Variants in PPEF1 observed in about 807,000 individuals in gnomAD.
PPEF1 encodes protein phosphatase with EF-hand domain 1.
In PPEF1, 12 loss-of-function variants were observed where a neutral mutation model predicts 53.3. The observed-to-expected ratio is 0.23, with a 90% CI of 0.14 to 0.36. The LOEUF (loss-of-function observed/expected upper bound fraction) is 0.36. PPEF1 is among the 10% of genes least tolerant of loss of function. PPEF1 has a pLI of 1.00. For synonymous variants in PPEF1, 165 were observed against 176.7 expected (o/e 0.93, Z 0.52); for missense variants, 334 against 490.4 (o/e 0.68, Z 3.01).
At chrX:18,797,716 T>G (rs1053401571) in intron 10 of PPEF1, among the ~76,000 whole-genome samples, 1 of 111,360 alleles carries the variant, frequency 9.0e-6, no homozygotes, top group Non-Finnish European at 1.9e-5. Flanking sequence ...ATTATTATTA[T>G]TTTTAGACGG....
At chrX:18,757,861 T>A (rs2045581141) in intron 5 of PPEF1, 120 bp downstream of exon 5, 1 of 473,563 alleles carries the variant, frequency 2.1e-6, no homozygotes, top group African/African-American at 2.4e-5. Flanking sequence ...TAATATAGAA[T>A]TATCTATCAT....
upstream of PPEF1, among the ~76,000 whole-genome samples, chrX:18,680,241 C>G (rs978010307): frequency 2.7e-5 from 3 of 110,193 alleles, no homozygotes; most frequent in Middle Eastern, 4.6e-3. Flanking sequence ...CTCTCAGCCT[C>G]GAATAGTTTT....
At chrX:18,747,371 G>A (rs1376512152) in intron 3 of PPEF1, among the ~76,000 whole-genome samples, 1 of 112,209 alleles carries the variant, frequency 8.9e-6, no homozygotes, top group Non-Finnish European at 1.9e-5. Flanking sequence ...AGCTCCATGG[G>A]TGGTTCCATA....
intron 6 of PPEF1, among the ~76,000 whole-genome samples, chrX:18,768,518 G>T (rs536607116): frequency 1.8e-5 from 2 of 112,134 alleles, no homozygotes; most frequent in African/African-American, 6.5e-5. Flanking sequence ...TCATCCAAGT[G>T]GTTGGTTTGG....
intron 5 of PPEF1, among the ~76,000 whole-genome samples, chrX:18,699,807 C>A (rs903649698): frequency 6.2e-5 from 7 of 112,012 alleles, no homozygotes; most frequent in Non-Finnish European, 1.3e-4. Flanking sequence ...TTTCTAGAAC[C>A]AAGGAAAAAT....
intron 10 of PPEF1, among the ~76,000 whole-genome samples, chrX:18,801,887 G>C (rs1013545064): frequency 9.3e-6 from 1 of 107,327 alleles, no homozygotes; most frequent in African/African-American, 3.4e-5. Context: ...AGGAGGCTGA[G>C]GCAGGAGAAC....
At chrX:18,731,914 G>A (rs1000444843) in intron 2 of PPEF1, among the ~76,000 whole-genome samples, 1 of 111,965 alleles carries the variant, frequency 8.9e-6, no homozygotes, top group African/African-American at 3.3e-5. Flanking sequence ...TTGAGACAGA[G>A]TCTCGCTCTG....
upstream of PPEF1, among the ~76,000 whole-genome samples, chrX:18,680,923 A>C (rs748844398): frequency 3.6e-5 from 4 of 110,486 alleles, no homozygotes; most frequent in African/African-American, 1.3e-4. Flanking sequence ...AGTTTCATCC[A>C]TGTCCCTACA....
chrX:18,695,267 A>G (rs1280671418), intron 4 of PPEF1, among the ~76,000 whole-genome samples: 2 of 112,893 alleles, frequency 1.8e-5, no homozygotes, highest in African/African-American at 6.4e-5. Context: ...CTTCTCCCAC[A>G]TGGCAGCTTA....
intron 4 of PPEF1, among the ~76,000 whole-genome samples, chrX:18,696,510 G>A (rs1929734348): frequency 9.0e-6 from 1 of 111,030 alleles, no homozygotes; most frequent in South Asian, 3.8e-4. Flanking sequence ...AATGGACCAA[G>A]CATATTTATT....
chrX:18,814,809 A>T (rs888215325), intron 12 of PPEF1, among the ~76,000 whole-genome samples: 8 of 111,673 alleles, frequency 7.2e-5, no homozygotes, highest in Non-Finnish European at 1.1e-4. Context: ...TACTCTGTTG[A>T]TATTTTCTTT....
intron 1 of PPEF1, among the ~76,000 whole-genome samples, chrX:18,714,015 A>G (rs1353986704): frequency 3.6e-5 from 4 of 111,305 alleles, no homozygotes; most frequent in Non-Finnish European, 7.5e-5. Context: ...CCTTTTCCTT[A>G]TTTTGGATTA....
In PPEF1 at chrX:18,761,590, T is replaced by G; in HGVS notation, c.558+14T>G. ...ATCTTCTACAAGGTAAATGATGATTTTGCTAAATATTAACATTTTTCTTGG... is the reference window on the plus strand; with the variant it reads ...ATCTTCTACAAGGTAAATGATGATTGTGCTAAATATTAACATTTTTCTTGG... On this transcript the variant is annotated intron_variant, in intron 6 of 15. Coordinates refer to ENST00000470157, the MANE Select transcript of PPEF1 (RefSeq NM_001377996.1). 8.4e-7 allele frequency: 1 copy of G among 1,185,499 alleles called. No individual in the cohort carries two copies. Among genetic ancestry groups the G allele is most frequent in the Non-Finnish European group, 1.1e-6 (1 of 871,818 alleles).
At chrX:18,722,410 C>T (rs2044608537) in intron 1 of PPEF1, among the ~76,000 whole-genome samples, 1 of 112,220 alleles carries the variant, frequency 8.9e-6, no homozygotes, top group African/African-American at 3.2e-5. Flanking sequence ...AATCCTGCTG[C>T]TTCCTCAGGA....
intron 1 of PPEF1, among the ~76,000 whole-genome samples, chrX:18,684,002 C>T (rs182543457): frequency 6.6e-4 from 74 of 112,034 alleles, no homozygotes; most frequent in African/African-American, 2.4e-3. Flanking sequence ...AAATACAGAT[C>T]CTACTGATTG....
chrX:18,733,352 G>A (rs1192262351), intron 2 of PPEF1, among the ~76,000 whole-genome samples: 3 of 112,103 alleles, frequency 2.7e-5, no homozygotes, highest in Non-Finnish European at 5.6e-5. Context: ...AAGGGAGTGA[G>A]GAATGCGAGA....
intron 10 of PPEF1, among the ~76,000 whole-genome samples, chrX:18,803,456 G>A (rs758615668): frequency 2.7e-5 from 3 of 112,330 alleles, no homozygotes; most frequent in African/African-American, 9.7e-5. Flanking sequence ...TTTTAGGGGG[G>A]CCTGCTCCCA....
chrX:18,732,281 T>C (rs1490417249), intron 2 of PPEF1, among the ~76,000 whole-genome samples: 1 of 112,854 alleles, frequency 8.9e-6, no homozygotes, highest in East Asian at 2.8e-4. Context: ...ATTTGGGTTG[T>C]TCCACCTTTT....
At chrX:18,779,967 T>A (rs979754196) in intron 7 of PPEF1, among the ~76,000 whole-genome samples, 3 of 111,616 alleles carry the variant, frequency 2.7e-5, no homozygotes, top group African/African-American at 6.5e-5. Context: ...GAGTTTCAAT[T>A]CTAATTCTCA....
Sources: allele counts gnomAD v4.1 joint callset (sites outside exome capture counted in the v4.1 genomes callset), GRCh38; gene constraint gnomAD v4.1.1; transcripts MANE v1.5; gene names NCBI Gene and HGNC (gene_info 2026-07-23, HGNC 2026-07-21).